MAP4K3: variants seen among roughly 807,000 people sequenced by gnomAD.
MAP4K3 encodes MAPK/ERK kinase kinase kinase 3.
In MAP4K3, 94 loss-of-function variants were observed where a neutral mutation model predicts 143.5. The ratio of observed to expected loss-of-function variants is 0.65; its 90% confidence interval spans 0.55 to 0.78. The LOEUF (loss-of-function observed/expected upper bound fraction) is 0.78, where lower values mean the gene tolerates loss of function less well. Ranked by LOEUF, MAP4K3 falls within the 30% of genes least tolerant of loss-of-function variation. MAP4K3 has a pLI of 0.00. For missense variants in MAP4K3, 1,077 were observed against 1,068.1 expected, an observed-to-expected ratio of 1.01 and a Z score of -0.12; for synonymous variants, 416 against 347.2, an observed-to-expected ratio of 1.20 and a Z score of -2.20.
intron 26 of MAP4K3, among the ~76,000 whole-genome samples, chr2:39,269,951 C>T (rs973133966): frequency 2.6e-5 from 4 of 152,064 alleles, no homozygotes; most frequent in African/African-American, 7.2e-5. Context: ...AAAACAAAAA[C>T]TCCCCACACT....
chr2:39,287,795 G>A lies in MAP4K3; in HGVS notation c.1474+326C>T, dbSNP rs904441858. Among the ~76,000 whole-genome samples, 5 of 152,086 alleles carry A rather than the reference G, an allele frequency of 3.3e-5. No homozygotes were observed. In the South Asian group the frequency reaches 8.3e-4, roughly 25 times the overall value. On this transcript the variant is annotated intron_variant, in intron 20 of 33. Transcript: ENST00000263881. ...CTTCTAAAACAGAAGTAACCTAGAC[G>A]CAAAACACATTTTCCATGTTTGTTC... is the stretch of plus-strand genomic sequence containing the variant.
intron 26 of MAP4K3, among the ~76,000 whole-genome samples, chr2:39,268,665 A>AAG (rs1680883384): frequency 3.5e-5 from 1 of 28,772 alleles, no homozygotes; most frequent in Non-Finnish European, 7.2e-5. Flanking sequence ...TTTGAGACGG[A>AAG]GTCTCGCTCT....
chr2:39,352,183 C>T (rs1027448480), intron 3 of MAP4K3, among the ~76,000 whole-genome samples: 3 of 151,930 alleles, frequency 2.0e-5, no homozygotes, highest in Admixed American at 2.0e-4. Context: ...CCCAGCTACT[C>T]GGGAGGCTGA....
At chr2:39,326,960 T>A (rs1306730043) in intron 8 of MAP4K3, among the ~76,000 whole-genome samples, 1 of 152,136 alleles carries the variant, frequency 6.6e-6, no homozygotes, top group Non-Finnish European at 1.5e-5. Context: ...AAACCTTTGT[T>A]TATAAATTTT....
chr2:39,337,110 T>G, intron 5 of MAP4K3, 143 bp from the exon 6 acceptor site: 1 of 457,152 alleles, frequency 2.2e-6, no homozygotes, highest in Non-Finnish European at 4.0e-6. Context: ...CATATTTTAA[T>G]GAGATATCCT....
At chr2:39,291,239 G>A (rs756503324) in intron 18 of MAP4K3, among the ~76,000 whole-genome samples, 4 of 152,144 alleles carry the variant, frequency 2.6e-5, no homozygotes, top group South Asian at 2.1e-4. Context: ...ATGTACCACA[G>A]AAATTTGTAT....
chr2:39,384,241 T>C (rs7596222), intron 1 of MAP4K3, among the ~76,000 whole-genome samples: 120,479 of 152,222 alleles, frequency 0.79, 53,311 homozygotes, highest in Non-Finnish European at 0.97. Context: ...AAAACAGCAC[T>C]GTCGGCCGGG....
intron 1 of MAP4K3, among the ~76,000 whole-genome samples, chr2:39,383,643 T>G (rs1316699235): frequency 1.3e-5 from 2 of 152,018 alleles, no homozygotes; most frequent in African/African-American, 4.8e-5. Context: ...ACCAGTACAA[T>G]AAGAGTGCCT....
chr2:39,274,577 C>CT, intron 24 of MAP4K3, among the ~76,000 whole-genome samples: 1 of 152,222 alleles, frequency 6.6e-6, no homozygotes, highest in East Asian at 1.9e-4. Context: ...ATTTTCAATG[C>CT]TTTCTTCCTT....
chr2:39,405,303 T>C (rs186078736), intron 1 of MAP4K3, among the ~76,000 whole-genome samples: 4 of 152,268 alleles, frequency 2.6e-5, no homozygotes, highest in Admixed American at 2.6e-4. Context: ...TTCTTTTGGA[T>C]CTTATTGAAG....
intron 12 of MAP4K3, among the ~76,000 whole-genome samples, chr2:39,319,593 T>C (rs1351746374): frequency 6.6e-6 from 1 of 152,174 alleles, no homozygotes; most frequent in East Asian, 1.9e-4. Context: ...CTGTTAATGA[T>C]AGTAAAATCT....
At chr2:39,267,325 G>T in intron 26 of MAP4K3, 78 bp from the exon 27 acceptor site, 2 of 1,126,758 alleles carry the variant, frequency 1.8e-6, no homozygotes, top group Non-Finnish European at 2.7e-6. Flanking sequence ...ATAGATCAGT[G>T]CACAAAGGAT....
intron 1 of MAP4K3, among the ~76,000 whole-genome samples, chr2:39,431,597 G>A (rs892676836): frequency 2.6e-5 from 4 of 152,116 alleles, no homozygotes; most frequent in African/African-American, 9.7e-5. Flanking sequence ...GACTTTAAAC[G>A]AAGAAGCAAG....
intron 21 of MAP4K3, among the ~76,000 whole-genome samples, chr2:39,285,527 T>C (rs949583399): frequency 5.9e-5 from 9 of 152,220 alleles, no homozygotes; most frequent in Non-Finnish European, 1.2e-4. Flanking sequence ...TGGACAGAAC[T>C]TCATAAAACC....
intron 1 of MAP4K3, among the ~76,000 whole-genome samples, chr2:39,412,527 T>C (rs551587966): frequency 9.8e-5 from 3 of 30,516 alleles, no homozygotes; most frequent in East Asian, 1.6e-3. Context: ...GATGATATGA[T>C]AGAATATGAC....
chr2:39,434,189 T>A (rs1349103825), intron 1 of MAP4K3, among the ~76,000 whole-genome samples: 2 of 152,198 alleles, frequency 1.3e-5, no homozygotes, highest in African/African-American at 4.8e-5. Flanking sequence ...TGCTGACAAA[T>A]TAAGGAACAA....
intron 20 of MAP4K3, 94 bp downstream of exon 20, chr2:39,288,027 A>G (rs1681873198): frequency 1.4e-6 from 2 of 1,472,968 alleles, no homozygotes; most frequent in South Asian, 2.5e-5. Context: ...GTCCTCCACC[A>G]AAAGAATTTC....
chr2:39,331,981 C>A lies in MAP4K3; in HGVS notation c.466G>T (p.Gly156Ter). ...DNGHVKLADF[G>*]VSAQITATIA... ...GTAGCTGTTATCTGTGCAGATACTC[C>A]AAAATCAGCTATTAAAAAAAATGAG... Residue 156 changes from glycine to a stop codon, truncating the protein, a stop_gained, in exon 8 of 34, where the codon GGA becomes TGA. Transcript: ENST00000263881. LOFTEE classifies it high-confidence loss of function. 4 of 1,519,634 alleles carry A rather than the reference C, an allele frequency of 2.6e-6. No homozygotes were observed. Among genetic ancestry groups the A allele is most frequent in the South Asian group, 1.4e-5 (1 of 74,044 alleles). 94.1% of individuals were successfully genotyped at this position (1,519,634 alleles called of 1,614,324 possible).
In MAP4K3 at chr2:39,331,904, A is replaced by AAAATACAATTACC. The variant is rs1437852861; in HGVS notation, c.530_530+12dup. ...TAGAACAAAGTATTAAATATCAATT[A>AAAATACAATTACC]AAATACAATTACCAATATGGTGTGC... On this transcript the variant is annotated intron_variant, in intron 8 of 33. Coordinates refer to ENST00000263881, the MANE Select transcript of MAP4K3 (RefSeq NM_003618.4). The AAAATACAATTACC allele has an allele frequency of 6.5e-6, 10 of 1,527,182 alleles. No homozygotes were observed. Among genetic ancestry groups the AAAATACAATTACC allele is most frequent in the Non-Finnish European group, 9.0e-6 (10 of 1,114,582 alleles). The allele number at this position is 1,527,182 out of a possible 1,614,324, so 94.6% of individuals were successfully genotyped here.
Sources: allele counts gnomAD v4.1 joint callset (sites outside exome capture counted in the v4.1 genomes callset), GRCh38; gene constraint gnomAD v4.1.1; transcripts MANE v1.5; gene names NCBI Gene and HGNC (gene_info 2026-07-23, HGNC 2026-07-21).